Variants in CADM2 observed in about 807,000 individuals in gnomAD.
CADM2 encodes cell adhesion molecule 2.
CADM2 carries 12 observed loss-of-function variants against 49.8 expected under a neutral mutation model. The ratio of observed to expected loss-of-function variants is 0.24; its 90% CI spans 0.15 to 0.39. The LOEUF (loss-of-function observed/expected upper bound fraction) is 0.39. Ranked by LOEUF, CADM2 falls within the 10% of genes least tolerant of loss-of-function variation. The pLI, the probability that CADM2 is intolerant of heterozygous loss-of-function variation, is 1.00. For missense variants in CADM2, 378 were observed against 492.3 expected, an observed-to-expected ratio of 0.77 and a Z score of 2.20; for synonymous variants, 214 against 175.4, an observed-to-expected ratio of 1.22 and a Z score of -1.74.
Position 85,212,830 on chromosome 3 carries a change from CT to C in CADM2, c.61+253165del, listed in dbSNP as rs1559723624. Among the ~76,000 whole-genome samples the C allele has an allele frequency of 6.5e-4, 65 of 99,824 alleles. 18 individuals carry two copies. The highest frequency in any genetic ancestry group is 5.9e-3 in the South Asian group (18 of 3,046). 65.5% of individuals were successfully genotyped at this position (99,824 alleles called of 152,430 possible). A position where few individuals can be genotyped will look rare whatever the true frequency, so the allele number is the denominator to read the frequency against. Reference sequence around the variant, plus strand: ...TTTTCTTCTCTTTCTTTCTTTCTTTCTTTCTTTCTTTCTTTCTTTCTTTCTT... The same window carrying C: ...TTTTCTTCTCTTTCTTTCTTTCTTTCTTCTTTCTTTCTTTCTTTCTTTCTT... On this transcript the variant is annotated intron_variant, in intron 1 of 9. Coordinates refer to ENST00000383699, the MANE Select transcript of CADM2 (RefSeq NM_001167675.2).
chr3:85,538,520 T>A (rs2061472665), intron 1 of CADM2, among the ~76,000 whole-genome samples: 1 of 152,168 alleles, frequency 6.6e-6, no homozygotes, highest in Non-Finnish European at 1.5e-5. Flanking sequence ...GCTTTGTTCA[T>A]GTTTGTTTTA....
intron 1 of CADM2, among the ~76,000 whole-genome samples, chr3:85,649,101 T>C (rs576121723): frequency 6.6e-6 from 1 of 152,190 alleles, no homozygotes; most frequent in East Asian, 1.9e-4. Flanking sequence ...TTAAATAAAT[T>C]TCTATTTTAA....
chr3:85,043,441 A>G (rs996873716), intron 1 of CADM2, among the ~76,000 whole-genome samples: 1 of 152,000 alleles, frequency 6.6e-6, no homozygotes, highest in Non-Finnish European at 1.5e-5. Context: ...GCTCTTTAAG[A>G]GGCTGAGGCA....
intron 1 of CADM2, among the ~76,000 whole-genome samples, chr3:85,232,581 GACAA>G (rs1176829212): frequency 6.6e-6 from 1 of 151,828 alleles, no homozygotes; most frequent in Non-Finnish European, 1.5e-5. Context: ...ACAATAAGAA[GACAA>G]ACAACCCAAT....
intron 1 of CADM2, among the ~76,000 whole-genome samples, chr3:85,319,863 A>G (rs2044557219): frequency 6.6e-6 from 1 of 152,156 alleles, no homozygotes; most frequent in African/African-American, 2.4e-5. Context: ...TCTGTACACC[A>G]AACCCATGTG....
At chr3:85,173,848 T>A (rs1426243317) in intron 1 of CADM2, among the ~76,000 whole-genome samples, 2 of 152,192 alleles carry the variant, frequency 1.3e-5, no homozygotes, top group African/African-American at 4.8e-5. Flanking sequence ...TTTCTGTTGG[T>A]CATATTTTGT....
At chr3:85,185,049 A>AGAT (rs1559708749) in intron 1 of CADM2, among the ~76,000 whole-genome samples, 1 of 151,780 alleles carries the variant, frequency 6.6e-6, no homozygotes, top group Non-Finnish European at 1.5e-5. Flanking sequence ...ATGTAACCCT[A>AGAT]GCTCCAAGAT....
At chr3:85,519,474 AC>A (rs2106887944) in intron 1 of CADM2, among the ~76,000 whole-genome samples, 1 of 152,202 alleles carries the variant, frequency 6.6e-6, no homozygotes, top group South Asian at 2.1e-4. Context: ...TGGTTCTTCC[AC>A]TAATTAGATC....
intron 1 of CADM2, among the ~76,000 whole-genome samples, chr3:85,358,057 G>A (rs931616123): frequency 2.6e-5 from 4 of 152,196 alleles, no homozygotes; most frequent in Non-Finnish European, 5.9e-5. Context: ...CAACTTCAGT[G>A]CCATTGACAT....
At chr3:85,093,140 G>A (rs534488648) in intron 1 of CADM2, among the ~76,000 whole-genome samples, 1 of 152,238 alleles carries the variant, frequency 6.6e-6, no homozygotes, top group Admixed American at 6.5e-5. Context: ...TCATCACACT[G>A]TACTTTTACC....
chr3:85,225,848 A>G (rs746879476), intron 1 of CADM2, among the ~76,000 whole-genome samples: 9 of 152,136 alleles, frequency 5.9e-5, no homozygotes, highest in Non-Finnish European at 1.2e-4. Flanking sequence ...TTCTGCATCT[A>G]TTGAGTTAAT....
At chr3:85,768,474 A>AAAT (rs2069788657) in intron 2 of CADM2, among the ~76,000 whole-genome samples, 1 of 106,732 alleles carries the variant, frequency 9.4e-6, no homozygotes, top group African/African-American at 4.3e-5. Flanking sequence ...AATAAATAAT[A>AAAT]AATAAATAAA....
intron 1 of CADM2, among the ~76,000 whole-genome samples, chr3:85,316,825 G>A (rs145234393): frequency 5.3e-5 from 8 of 152,170 alleles, no homozygotes; most frequent in Non-Finnish European, 8.8e-5. Flanking sequence ...ACAAAAGCGC[G>A]TACATGCAGC....
intron 7 of CADM2, among the ~76,000 whole-genome samples, chr3:85,951,514 G>T (rs1201961743): frequency 2.0e-5 from 3 of 150,886 alleles, no homozygotes; most frequent in Non-Finnish European, 4.5e-5. Context: ...ACTATATTAA[G>T]ATGCAAAGTT....
intron 1 of CADM2, among the ~76,000 whole-genome samples, chr3:85,267,458 C>T (rs1301352819): frequency 2.5e-4 from 38 of 151,870 alleles, no homozygotes; most frequent in Non-Finnish European, 8.8e-5. Context: ...ACTCAAATGT[C>T]ATCCTCCCAG....
chr3:85,969,355 A>G (rs1264575063), intron 8 of CADM2, among the ~76,000 whole-genome samples: 1 of 151,376 alleles, frequency 6.6e-6, no homozygotes, highest in East Asian at 2.0e-4. Flanking sequence ...TAAGTTATCA[A>G]GGTCATTTTC....
At chr3:85,737,728 T>A (rs2068201429) in intron 2 of CADM2, among the ~76,000 whole-genome samples, 1 of 151,876 alleles carries the variant, frequency 6.6e-6, no homozygotes, top group Non-Finnish European at 1.5e-5. Flanking sequence ...TGGCTAAGTT[T>A]TTTGTATTTT....
At chr3:85,265,982 G>A (rs2043113748) in intron 1 of CADM2, among the ~76,000 whole-genome samples, 1 of 151,770 alleles carries the variant, frequency 6.6e-6, no homozygotes, top group African/African-American at 2.4e-5. Flanking sequence ...CCTTAATAGA[G>A]CCAAAGTTGT....
intron 8 of CADM2, among the ~76,000 whole-genome samples, chr3:86,059,395 A>T (rs1395188132): frequency 1.3e-5 from 2 of 152,154 alleles, no homozygotes; most frequent in East Asian, 3.9e-4. Context: ...ATTTGACATA[A>T]TTTTCTCTTT....
Sources: allele counts gnomAD v4.1 joint callset (sites outside exome capture counted in the v4.1 genomes callset), GRCh38; gene constraint gnomAD v4.1.1; transcripts MANE v1.5; gene names NCBI Gene and HGNC (gene_info 2026-07-23, HGNC 2026-07-21).